Variants in LRP1B observed in about 807,000 individuals in gnomAD.
LRP1B encodes low-density lipoprotein receptor-related protein 1B.
LRP1B carries 217 observed loss-of-function variants against 556.6 expected under a neutral mutation model. The observed-to-expected ratio is 0.39, with a 90% CI of 0.35 to 0.44. LRP1B has a LOEUF of 0.44. LRP1B is among the 20% of genes least tolerant of loss of function. The pLI, the probability that LRP1B is intolerant of heterozygous loss-of-function variation, is 1.00. For missense variants in LRP1B, 5,053 were observed against 5,620.8 expected (o/e 0.90, Z 3.23); for synonymous variants, 2,047 against 1,865.8 (o/e 1.10, Z -2.50).
intron 2 of LRP1B, among the ~76,000 whole-genome samples, chr2:141,511,738 A>T (rs115985219): frequency 8.6e-4 from 131 of 152,312 alleles, no homozygotes; most frequent in African/African-American, 2.6e-3. Flanking sequence ...GGTGAGTCCT[A>T]TATGAATATT....
chr2:141,140,300 C>T (rs769882640), intron 7 of LRP1B, among the ~76,000 whole-genome samples: 7 of 151,870 alleles, frequency 4.6e-5, no homozygotes, highest in Non-Finnish European at 8.8e-5. Context: ...TCAACCGTGT[C>T]GCTTATTGAA....
At chr2:141,065,482 CT>C (rs1359181729) in intron 7 of LRP1B, among the ~76,000 whole-genome samples, 1 of 151,820 alleles carries the variant, frequency 6.6e-6, no homozygotes, top group Non-Finnish European at 1.5e-5. Context: ...TGCTCAACTC[CT>C]TTAATCTTGA....
chr2:141,010,266 A>G (rs1267917585), intron 14 of LRP1B, among the ~76,000 whole-genome samples: 7 of 152,044 alleles, frequency 4.6e-5, no homozygotes, highest in Non-Finnish European at 1.0e-4. Flanking sequence ...ATTTTACACA[A>G]TTGCTGCTCT....
At chr2:140,843,805 T>C (rs1692193387) in intron 29 of LRP1B, among the ~76,000 whole-genome samples, 1 of 152,196 alleles carries the variant, frequency 6.6e-6, no homozygotes, top group Non-Finnish European at 1.5e-5. Context: ...TTTTACCTAA[T>C]GTAGTCATTA....
chr2:141,994,991 C>T (rs531767594), intron 1 of LRP1B, among the ~76,000 whole-genome samples: 1 of 152,184 alleles, frequency 6.6e-6, no homozygotes, highest in Non-Finnish European at 1.5e-5. Flanking sequence ...AGTCACATAT[C>T]CCATTTGTAA....
intron 2 of LRP1B, among the ~76,000 whole-genome samples, chr2:141,631,087 G>C (rs918541740): frequency 6.6e-6 from 1 of 152,134 alleles, no homozygotes; most frequent in Non-Finnish European, 1.5e-5. Context: ...GGCTAGGGAG[G>C]CCTCAGGAAA....
At chr2:140,559,766 A>T (rs1308996998) in intron 43 of LRP1B, among the ~76,000 whole-genome samples, 2 of 151,868 alleles carry the variant, frequency 1.3e-5, no homozygotes, top group Admixed American at 1.3e-4. Context: ...AATTGAAAAA[A>T]AAAAACCAAG....
intron 7 of LRP1B, among the ~76,000 whole-genome samples, chr2:141,186,335 T>A (rs1257073423): frequency 1.3e-5 from 2 of 151,968 alleles, no homozygotes; most frequent in Non-Finnish European, 2.9e-5. Context: ...CTTTAGTAGG[T>A]CATGTGCAGT....
chr2:140,517,107 T>C (rs973983764), intron 49 of LRP1B, 96 bp from the exon 50 acceptor site: 2 of 850,706 alleles, frequency 2.4e-6, no homozygotes, highest in Admixed American at 4.5e-5. Context: ...AAGAGATAAA[T>C]AACAAGTAAG....
At chr2:142,066,741 G>A (rs1205714330) in intron 1 of LRP1B, among the ~76,000 whole-genome samples, 1 of 151,320 alleles carries the variant, frequency 6.6e-6, no homozygotes, top group East Asian at 1.9e-4. Flanking sequence ...TCCAGCCTCT[G>A]TTTTTTGCCC....
intron 11 of LRP1B, among the ~76,000 whole-genome samples, chr2:141,032,826 C>CATACATACATACAT: frequency 1.6e-5 from 2 of 126,614 alleles, no homozygotes; most frequent in South Asian, 2.7e-4. Flanking sequence ...TATATACATA[C>CATACATACATACAT]ATATATATAT....
chr2:141,420,041 C>T (rs1024811899), intron 3 of LRP1B, among the ~76,000 whole-genome samples: 4 of 152,100 alleles, frequency 2.6e-5, no homozygotes, highest in African/African-American at 4.8e-5. Context: ...ATCTATAGGG[C>T]TATTAAAGCC....
intron 1 of LRP1B, among the ~76,000 whole-genome samples, chr2:141,932,629 T>G (rs1204165998): frequency 6.6e-6 from 1 of 152,098 alleles, no homozygotes; most frequent in Non-Finnish European, 1.5e-5. Flanking sequence ...TTACAAAGTA[T>G]TAACTACAGA....
chr2:141,479,118 C>A (rs915896110), intron 3 of LRP1B, among the ~76,000 whole-genome samples: 1 of 152,092 alleles, frequency 6.6e-6, no homozygotes, highest in Non-Finnish European at 1.5e-5. Context: ...GACCTAGTGA[C>A]CAGTTGATTT....
chr2:141,761,315 C>T (rs550325991), intron 2 of LRP1B, among the ~76,000 whole-genome samples: 4 of 151,182 alleles, frequency 2.6e-5, no homozygotes, highest in African/African-American at 9.7e-5. Context: ...GTTCATATAT[C>T]CTTTATTTAA....
chr2:140,463,277 T>C (rs1179420297), intron 60 of LRP1B, among the ~76,000 whole-genome samples: 1 of 152,116 alleles, frequency 6.6e-6, no homozygotes, highest in East Asian at 1.9e-4. Flanking sequence ...AGAAGGATCG[T>C]GGAGCCAGAG....
chr2:142,021,205 A>T (rs993019802), intron 1 of LRP1B, among the ~76,000 whole-genome samples: 1 of 152,158 alleles, frequency 6.6e-6, no homozygotes, highest in Non-Finnish European at 1.5e-5. Context: ...TTATAAATGA[A>T]GGATGCAATA....
At chr2:142,096,165 G>T (rs545141409) in intron 1 of LRP1B, among the ~76,000 whole-genome samples, 7 of 151,662 alleles carry the variant, frequency 4.6e-5, no homozygotes, top group Non-Finnish European at 8.9e-5. Context: ...TTTATGCAGA[G>T]GATATATAAA....
At chr2:141,254,671 T>C (rs1684392999) in intron 3 of LRP1B, 30 bp from the exon 4 acceptor site, 1 of 1,497,618 alleles carries the variant, frequency 6.7e-7, no homozygotes, top group Non-Finnish European at 9.2e-7. Flanking sequence ...ATATTCTCTA[T>C]ATTTAACTGT....
Sources: gnomAD v4.1 joint callset for allele counts (sites outside exome capture counted in the v4.1 genomes callset) on GRCh38, gnomAD v4.1.1 for gene constraint, MANE v1.5 for transcripts, NCBI Gene and HGNC (gene_info 2026-07-23, HGNC 2026-07-21) for gene names.